The following LMAN2 variants were observed in gnomAD, a reference collection of about 807,000 sequenced individuals.
LMAN2 encodes the protein vesicular integral-membrane protein VIP36.
LMAN2 carries 22 observed loss-of-function variants against 39.3 expected under a neutral mutation model. The observed-to-expected ratio is 0.56, with a 90% CI of 0.40 to 0.80. LMAN2 has a LOEUF of 0.80. Among genes scored for constraint, LMAN2 ranks in the 30% least tolerant of loss-of-function variants. LMAN2 has a pLI of 0.00. For missense variants in LMAN2, 494 were observed against 505.4 expected (o/e 0.98, Z 0.22); for synonymous variants, 207 against 207.8 (o/e 1.00, Z 0.03).
intron 2 of LMAN2, among the ~76,000 whole-genome samples, chr5:177,343,576 C>CAT (rs1165452358): frequency 6.6e-6 from 1 of 152,192 alleles, no homozygotes; most frequent in African/African-American, 2.4e-5. Context: ...CACACACACA[C>CAT]ACACACACAC....
At chr5:177,335,899 A>T (rs914589429) in intron 6 of LMAN2, among the ~76,000 whole-genome samples, 1 of 152,108 alleles carries the variant, frequency 6.6e-6, no homozygotes, top group African/African-American at 2.4e-5. Context: ...GCACCTGCTC[A>T]GGGCCCCAAA....
chr5:177,333,214 T>C (rs1442014759), intron 7 of LMAN2, among the ~76,000 whole-genome samples: 2 of 152,216 alleles, frequency 1.3e-5, no homozygotes, highest in Non-Finnish European at 2.9e-5. Flanking sequence ...TCTGTCTCCC[T>C]GTCTGCCGCA....
chr5:177,334,393 G>A lies in LMAN2; in HGVS notation c.801C>T (p.Asp267=). ...GCTGGAACAGCTTCATGGAGATGAT[G>A]TCATGATTGTCTGCAGGACCAAGAA... ...AGTGDLSDNH[D]IISMKLFQLM... is the part of the protein sequence containing the mutation. The change falls in exon 7 of 8, where the codon GAC becomes GAT. Residue 267 remains aspartate (D), a synonymous_variant. Transcript: ENST00000303127. 1.2e-6 allele frequency: 2 copies of A among 1,613,070 alleles called. No homozygotes were observed. The highest frequency in any genetic ancestry group is 1.7e-6 in the Non-Finnish European group (2 of 1,179,874).
chr5:177,338,116 A>G (rs1761501343), intron 3 of LMAN2, among the ~76,000 whole-genome samples: 1 of 152,156 alleles, frequency 6.6e-6, no homozygotes, highest in African/African-American at 2.4e-5. Flanking sequence ...TACTAGGGGC[A>G]GCAAACATTC....
chr5:177,350,054 T>C (rs1212298885), intron 2 of LMAN2, among the ~76,000 whole-genome samples: 3 of 152,200 alleles, frequency 2.0e-5, no homozygotes, highest in Non-Finnish European at 4.4e-5. Flanking sequence ...AATGCATGCT[T>C]ACCCCTTCAC....
chr5:177,340,214 G>A (rs889200534), intron 2 of LMAN2, among the ~76,000 whole-genome samples: 5 of 152,158 alleles, frequency 3.3e-5, no homozygotes, highest in African/African-American at 1.2e-4. Context: ...AGAGGAAACA[G>A]CAACAACAAC....
intron 2 of LMAN2, among the ~76,000 whole-genome samples, chr5:177,347,119 T>C (rs924333719): frequency 1.3e-5 from 2 of 151,632 alleles, no homozygotes; most frequent in Admixed American, 6.6e-5. Flanking sequence ...TTGAAAACTT[T>C]AAAAAAAAAT....
Position 177,337,275 on chromosome 5 carries a change from C to T in LMAN2, c.676-25G>A. On this transcript the variant is annotated intron_variant, in intron 5 of 7. Transcript: ENST00000303127. This position sits in a 1 kb window ranked among gnomAD's most constrained non-coding sequence, Gnocchi z 8.2. ...CCTGCAGGGCCCAGCACGCTAAGCA[C>T]CTCGCAGGACAGCAGCCTGCCCTCC... The T allele has an allele frequency of 2.5e-6, 4 of 1,613,406 alleles. No homozygotes were observed. Among genetic ancestry groups the T allele is most frequent in the Non-Finnish European group, 3.4e-6 (4 of 1,179,778 alleles).
At chr5:177,339,022 A>G (rs1365172102) in intron 2 of LMAN2, among the ~76,000 whole-genome samples, 1 of 152,210 alleles carries the variant, frequency 6.6e-6, no homozygotes, top group Non-Finnish European at 1.5e-5. Context: ...ATTTTACAGG[A>G]AAACAAATTC....
At chr5:177,336,996 T>C (rs1052320695) in intron 6 of LMAN2, 140 bp downstream of exon 6, 1 of 651,834 alleles carries the variant, frequency 1.5e-6, no homozygotes, top group African/African-American at 1.9e-5. Context: ...GGACAGGCCA[T>C]TTACAGAAGA....
At chr5:177,346,297 C>G (rs1761636962) in intron 2 of LMAN2, 2 of 308,508 alleles carry the variant, frequency 6.5e-6, no homozygotes. Flanking sequence ...TTCTAACACA[C>G]GGGATCGTTT....
intron 2 of LMAN2, among the ~76,000 whole-genome samples, chr5:177,341,064 CTTTTTTT>C (rs1298735934): frequency 9.2e-6 from 1 of 108,944 alleles, no homozygotes; most frequent in African/African-American, 4.0e-5. Flanking sequence ...CTTTTTTTTT[CTTTTTTT>C]TTTTTTTTTT....
At chr5:177,335,769 G>A (rs964865215) in intron 6 of LMAN2, among the ~76,000 whole-genome samples, 3 of 152,234 alleles carry the variant, frequency 2.0e-5, no homozygotes, top group Non-Finnish European at 4.4e-5. Flanking sequence ...GCTGAGAGAG[G>A]AGGCTCCTGG....
intron 2 of LMAN2, among the ~76,000 whole-genome samples, chr5:177,339,238 C>T (rs1296711463): frequency 2.0e-5 from 3 of 152,342 alleles, no homozygotes; most frequent in African/African-American, 7.2e-5. Flanking sequence ...TGGTCACCCA[C>T]ATCCACTGCC....
In LMAN2 at chr5:177,337,116, G is replaced by A. The variant is rs111423848; in HGVS notation, c.790+20C>T. On this transcript the variant is annotated intron_variant, in intron 6 of 7. Coordinates refer to ENST00000303127, the MANE Select transcript of LMAN2 (RefSeq NM_006816.3). This position sits in a 1 kb window ranked among gnomAD's most constrained non-coding sequence, Gnocchi z 8.2. ...AGGGTGAGCTGGGCTGGGAACCAACGCCTGGCCCGGCCCACTCACCAGACA... is the reference window on the plus strand; with the variant it reads ...AGGGTGAGCTGGGCTGGGAACCAACACCTGGCCCGGCCCACTCACCAGACA... 94 of 1,585,500 alleles carry A rather than the reference G, an allele frequency of 5.9e-5. No homozygotes were observed. The highest frequency in any genetic ancestry group is 9.4e-5 in the African/African-American group (7 of 74,584).
chr5:177,334,527 A>T, intron 6 of LMAN2, 124 bp from the exon 7 acceptor site: 1 of 1,354,036 alleles, frequency 7.4e-7, no homozygotes, highest in Non-Finnish European at 9.8e-7. Context: ...TGGGGAGAGC[A>T]CTGCCCAGCC....
At position 177,335,607 on chromosome 5, in the gene LMAN2, A is replaced by G. The variant is rs1746205978; in HGVS notation, c.791-1204T>C. Among the ~76,000 whole-genome samples the G allele has an allele frequency of 1.3e-5, 2 of 152,194 alleles. 1 individual carries two copies. The highest frequency in any genetic ancestry group is 4.1e-4 in the South Asian group (2 of 4,836). ...GATGAAGTTCCAGGCAACCCGGGGC[A>G]GGAGGGAAACCAGCCAGGCGCGAGC... On this transcript the variant is annotated intron_variant, in intron 6 of 7. Coordinates refer to ENST00000303127, the MANE Select transcript of LMAN2 (RefSeq NM_006816.3).
chr5:177,333,114 C>CACTGCTCG (rs1424070390), intron 7 of LMAN2, among the ~76,000 whole-genome samples: 2 of 152,202 alleles, frequency 1.3e-5, no homozygotes, highest in East Asian at 3.9e-4. Context: ...CTCTGCACAC[C>CACTGCTCG]GACAGCAGCG....
At position 177,337,911 on chromosome 5, in the gene LMAN2, G is replaced by C; in HGVS notation, c.434-126C>G. 1.3e-6 allele frequency: 1 copy of C among 756,480 alleles called. No homozygotes were observed. Among genetic ancestry groups the C allele is most frequent in the Non-Finnish European group, 2.2e-6 (1 of 447,140 alleles). The allele number at this position is 756,480 out of a possible 1,614,324, so 46.9% of individuals were successfully genotyped here. ...CCAACCCACTGGCCATTCACCGAGAGAGAAGGGATCGTGAAAGGAGAAAGC... is the reference window on the plus strand; with the variant it reads ...CCAACCCACTGGCCATTCACCGAGACAGAAGGGATCGTGAAAGGAGAAAGC... On this transcript the variant is annotated intron_variant, in intron 3 of 7. Coordinates refer to ENST00000303127, the MANE Select transcript of LMAN2 (RefSeq NM_006816.3). This position sits in a 1 kb window ranked among gnomAD's most constrained non-coding sequence, Gnocchi z 8.2.
Sources: allele counts gnomAD v4.1 joint callset (sites outside exome capture counted in the v4.1 genomes callset), GRCh38; gene constraint gnomAD v4.1.1; non-coding constraint Gnocchi (gnomAD v3.1); transcripts MANE v1.5; gene names NCBI Gene and HGNC (gene_info 2026-07-23, HGNC 2026-07-21).